ECT2L: variants seen among roughly 807,000 people sequenced by gnomAD.
The protein encoded by ECT2L is epithelial cell transforming 2 like.
In ECT2L, 126 loss-of-function variants were observed where a neutral mutation model predicts 122.8. The ratio of observed to expected loss-of-function variants is 1.03; its 90% confidence interval spans 0.89 to 1.19. The LOEUF (loss-of-function observed/expected upper bound fraction) is 1.19. Among genes scored for constraint, ECT2L ranks in the 50% most tolerant of loss-of-function variants. The pLI, the probability that ECT2L is intolerant of heterozygous loss-of-function variation, is 0.00. For missense variants in ECT2L, 1,012 were observed against 1,064.1 expected (o/e 0.95, Z 0.68); for synonymous variants, 385 against 381.8 (o/e 1.01, Z -0.10).
At chr6:138,883,328 AATT>A (rs1413499888) in intron 16 of ECT2L, among the ~76,000 whole-genome samples, 2 of 152,236 alleles carry the variant, frequency 1.3e-5, no homozygotes, top group African/African-American at 4.8e-5. Flanking sequence ...CTAGAGAGTA[AATT>A]ATTAACAGTT....
chr6:138,827,212 G>A (rs1380410181), intron 4 of ECT2L, among the ~76,000 whole-genome samples: 1 of 152,160 alleles, frequency 6.6e-6, no homozygotes, highest in African/African-American at 2.4e-5. Flanking sequence ...GCCAGGTGTG[G>A]TGGCGCATGC....
At chr6:138,898,060 TAA>T (rs5880406) in intron 20 of ECT2L, among the ~76,000 whole-genome samples, 12,969 of 149,622 alleles carry the variant, frequency 0.087, 1,258 homozygotes, top group African/African-American at 0.24. Context: ...ATGGATATGG[TAA>T]AAAAAAAAAA....
intron 1 of ECT2L, among the ~76,000 whole-genome samples, chr6:138,807,869 GTTTA>G (rs1221009762): frequency 6.6e-6 from 1 of 152,030 alleles, no homozygotes; most frequent in Non-Finnish European, 1.5e-5. Context: ...TGTTCCACTG[GTTTA>G]TTTGTTTGTT....
chr6:138,850,019 GA>G (rs368266928), intron 9 of ECT2L, among the ~76,000 whole-genome samples: 2,329 of 151,808 alleles, frequency 0.015, 25 homozygotes, highest in Non-Finnish European at 0.023. Flanking sequence ...TGTGCCCACT[GA>G]AAAAAAACTT....
At chr6:138,822,668 A>AACAGCTCCGGTCT (rs1776305901) in intron 4 of ECT2L, 2 of 1,300,712 alleles carry the variant, frequency 1.5e-6, no homozygotes, top group Non-Finnish European at 1.1e-6. Flanking sequence ...GCCGAATAGG[A>AACAGCTCCGGTCT]ACAGCTCCGG....
At chr6:138,814,986 T>C (rs1776021341) in intron 4 of ECT2L, among the ~76,000 whole-genome samples, 1 of 152,234 alleles carries the variant, frequency 6.6e-6, no homozygotes, top group African/African-American at 2.4e-5. Flanking sequence ...ATCTACAAAA[T>C]ATATGACAAG....
chr6:138,840,809 A>G (rs1045340914), intron 5 of ECT2L, among the ~76,000 whole-genome samples: 1 of 151,928 alleles, frequency 6.6e-6, no homozygotes, highest in African/African-American at 2.4e-5. Flanking sequence ...ATCTTTTATC[A>G]GTTTTGAAAT....
At chr6:138,799,347 G>A (rs531414329) in intron 1 of ECT2L, among the ~76,000 whole-genome samples, 120 of 151,666 alleles carry the variant, frequency 7.9e-4, no homozygotes, top group African/African-American at 2.8e-3. Context: ...TCCGCCTCCC[G>A]GGTTCATGCC....
intron 10 of ECT2L, among the ~76,000 whole-genome samples, chr6:138,856,077 C>G (rs181209353): frequency 8.5e-5 from 13 of 152,366 alleles, no homozygotes; most frequent in Admixed American, 5.9e-4. Context: ...CCAAATGTCT[C>G]TTTTCCACCA....
chr6:138,812,685 A>G (rs1775941204), intron 1 of ECT2L, among the ~76,000 whole-genome samples, 153 bp from the exon 2 acceptor site: 1 of 152,118 alleles, frequency 6.6e-6, no homozygotes, highest in African/African-American at 2.4e-5. Context: ...CGCACCTGTA[A>G]TCCCAGCTAC....
chr6:138,885,595 GAGCAC>G lies in ECT2L; in HGVS notation c.2102+21_2102+25del, dbSNP rs1183255589. ...AAATGCTGAGGTACGTTCTGAGGGA[GAGCAC>G]AGCAGGGGTCCCCCCAGAGAGGGCA... On this transcript the variant is annotated intron_variant, in intron 17 of 21. Transcript: ENST00000541398. The G allele has an allele frequency of 1.2e-6, 2 of 1,614,050 alleles. No homozygotes were observed. Among genetic ancestry groups the G allele is most frequent in the East Asian group, 4.5e-5 (2 of 44,884 alleles).
intron 4 of ECT2L, among the ~76,000 whole-genome samples, chr6:138,820,206 GC>G (rs1179814957): frequency 6.6e-6 from 1 of 152,108 alleles, no homozygotes; most frequent in Non-Finnish European, 1.5e-5. Context: ...CATGATCACT[GC>G]CTCCCCTGGA....
intron 20 of ECT2L, among the ~76,000 whole-genome samples, chr6:138,893,682 G>A (rs1188840): frequency 0.59 from 89,281 of 152,004 alleles, 26,642 homozygotes; most frequent in Non-Finnish European, 0.64. Context: ...TTGGCCTCCC[G>A]AAGTGCTGTG....
rs1051052993 is a variant in ECT2L at position 138,903,733 on chromosome 6, A to C, written c.*1106A>C. On this transcript the variant is annotated 3_prime_UTR_variant, in exon 22 of 22. Transcript: ENST00000541398. ...AGTTTCCTGGGCCTTTAATGCTTTA[A>C]ATTTATTATTTAACAACTAAAGCCA... The C allele has an allele frequency of 6.6e-6, 1 of 152,182 alleles. No individual in the cohort carries two copies. The highest frequency in any genetic ancestry group is 2.4e-5 in the African/African-American group (1 of 41,444). 9.4% of individuals were successfully genotyped at this position (152,182 alleles called of 1,614,324 possible).
At chr6:138,833,469 A>ACT (rs1352540710) in intron 4 of ECT2L, among the ~76,000 whole-genome samples, 2 of 152,172 alleles carry the variant, frequency 1.3e-5, no homozygotes, top group Non-Finnish European at 2.9e-5. Context: ...GGTATTTGTC[A>ACT]CTTACCAACT....
At chr6:138,878,306 TACAC>T (rs34393243) in intron 14 of ECT2L, among the ~76,000 whole-genome samples, 2,755 of 150,140 alleles carry the variant, frequency 0.018, 54 homozygotes, top group African/African-American at 0.056. Flanking sequence ...CATATATATA[TACAC>T]ACACACACAC....
rs771617534 is a variant in ECT2L, at chr6:138,885,514, A to G, written c.2037A>G (p.Glu679=). ...TAATCCTCACCTTTTAGTGCAGAGA[A>G]ATGATACCAGCATTCCGAACTTTCC... ...VILKTIEKCR[E]MIPAFRTFLK... Residue 679 remains glutamate, a synonymous_variant, in exon 17 of 22, where the codon GAA becomes GAG. Coordinates refer to ENST00000541398, the MANE Select transcript of ECT2L (RefSeq NM_001077706.3). 6.2e-7 allele frequency: 1 copy of G among 1,614,158 alleles called. No homozygotes were observed. The highest frequency in any genetic ancestry group is 1.7e-5 in the Admixed American group (1 of 60,012).
rs534137538 is a variant in ECT2L, at chr6:138,849,954, C to G, written c.1069+520C>G. ...AGTGTGCAGTTCAGTATTGTTTGTT[C>G]ACATTGTTGTGAAACAGCTCTCCAA... On this transcript the variant is annotated intron_variant, in intron 9 of 21. Coordinates refer to ENST00000541398, the MANE Select transcript of ECT2L (RefSeq NM_001077706.3). Among the ~76,000 whole-genome samples the G allele has an allele frequency of 1.2e-4, 19 of 152,168 alleles. No homozygotes were observed. The East Asian group carries it at 3.7e-3, about 29-fold the overall frequency.
At chr6:138,824,986 T>A (rs976037225) in intron 4 of ECT2L, among the ~76,000 whole-genome samples, 1 of 152,208 alleles carries the variant, frequency 6.6e-6, no homozygotes, top group Non-Finnish European at 1.5e-5. Context: ...TGTGTGTGCA[T>A]GCATTATGCG....
Sources: allele counts gnomAD v4.1 joint callset (sites outside exome capture counted in the v4.1 genomes callset), GRCh38; gene constraint gnomAD v4.1.1; transcripts MANE v1.5; gene names NCBI Gene and HGNC (gene_info 2026-07-23, HGNC 2026-07-21).